HERC1: variants seen among roughly 807,000 people sequenced by gnomAD.
HERC1 encodes the protein probable E3 ubiquitin-protein ligase HERC1.
Under a neutral mutation model 554.3 loss-of-function variants are expected in HERC1, and 160 were observed. That is an observed-to-expected ratio of 0.29 (90% CI 0.25 to 0.33). HERC1 has a LOEUF of 0.33. Among genes scored for constraint, HERC1 ranks in the 10% least tolerant of loss-of-function variants. The pLI, the probability that HERC1 is intolerant of heterozygous loss-of-function variation, is 1.00. For missense variants in HERC1, 4,919 were observed against 5,918.5 expected (o/e 0.83, Z 5.54); for synonymous variants, 2,175 against 2,131.7 (o/e 1.02, Z -0.56).
chr15:63,790,473 G>C (rs1015961764), intron 1 of HERC1, among the ~76,000 whole-genome samples: 2 of 152,044 alleles, frequency 1.3e-5, no homozygotes, highest in African/African-American at 2.4e-5. Context: ...AGCTACTTGG[G>C]AAGCTGAGGC....
intron 43 of HERC1, among the ~76,000 whole-genome samples, chr15:63,664,106 T>C (rs541303587): frequency 1.1e-4 from 16 of 152,206 alleles, no homozygotes; most frequent in South Asian, 2.1e-4. Context: ...GCCTACTTTT[T>C]TGGCACAGTG....
chr15:63,823,821 G>A (rs538533699), intron 1 of HERC1, among the ~76,000 whole-genome samples: 69 of 152,246 alleles, frequency 4.5e-4, no homozygotes, highest in African/African-American at 1.6e-3. Flanking sequence ...AATTTAAAAT[G>A]AGAGACATTT....
chr15:63,698,800 C>T lies in HERC1; in HGVS notation c.4833G>A (p.Glu1611=). 6.2e-7 allele frequency: 1 copy of T among 1,613,924 alleles called. No homozygotes were observed. The highest frequency in any genetic ancestry group is 8.5e-7 in the Non-Finnish European group (1 of 1,179,848). The change falls in exon 26 of 78, where the codon GAG becomes GAA. Residue 1611 remains glutamate, a synonymous_variant. Coordinates refer to ENST00000443617, the MANE Select transcript of HERC1 (RefSeq NM_003922.4). The part of the protein sequence containing the change: ...GDVGNAPGFK[E]PEESMSTSPQ... ...GACTTGTAGACATACTTTCCTCTGGCTCTTTAAAACCTGGGGCATTCCCCA... is the reference window on the plus strand; with the variant it reads ...GACTTGTAGACATACTTTCCTCTGGTTCTTTAAAACCTGGGGCATTCCCCA...
At chr15:63,767,282 C>T (rs1268392490) in intron 2 of HERC1, among the ~76,000 whole-genome samples, 2 of 152,118 alleles carry the variant, frequency 1.3e-5, no homozygotes, top group East Asian at 1.9e-4. Context: ...GGATTACAGG[C>T]GTGAGCCACC....
intron 2 of HERC1, among the ~76,000 whole-genome samples, chr15:63,770,734 T>C (rs903140875): frequency 6.6e-6 from 1 of 152,252 alleles, no homozygotes; most frequent in African/African-American, 2.4e-5. Flanking sequence ...TAGATGGTTA[T>C]GTGTCTCTCC....
chr15:63,651,565 A>T (rs889888413), intron 52 of HERC1, among the ~76,000 whole-genome samples, 185 bp from the exon 53 acceptor site: 5 of 152,228 alleles, frequency 3.3e-5, no homozygotes, highest in African/African-American at 7.2e-5. Flanking sequence ...GTGAAAAATG[A>T]ATTATAAAAG....
chr15:63,698,871 C>T lies in HERC1; in HGVS notation c.4762G>A (p.Val1588Ile). 3 of 1,613,968 alleles carry T rather than the reference C, an allele frequency of 1.9e-6. No individual in the cohort carries two copies. The highest frequency in any genetic ancestry group is 1.1e-5 in the South Asian group (1 of 91,080). Reference protein sequence around the residue: ...SDFDLTKSLGVHTLIENVVSF... With the variant: ...SDFDLTKSLGIHTLIENVVSF... ...ACAACATTTTCAATCAAAGTGTGAACTCCCAAAGACTTGGTAAGATCAAAA... is the reference window on the plus strand; with the variant it reads ...ACAACATTTTCAATCAAAGTGTGAATTCCCAAAGACTTGGTAAGATCAAAA... The change falls in exon 26 of 78, where the codon GTT (valine) becomes ATT (isoleucine). Residue 1588 changes from valine to isoleucine, a missense_variant. By Grantham distance (29) the Val-to-Ile change is conservative. Coordinates refer to ENST00000443617, the MANE Select transcript of HERC1 (RefSeq NM_003922.4).
intron 3 of HERC1, among the ~76,000 whole-genome samples, chr15:63,760,435 CAAAAAAAAA>C (rs34164820): frequency 5.5e-5 from 5 of 91,424 alleles, no homozygotes; most frequent in Middle Eastern, 6.8e-3. Context: ...AGACACCATC[CAAAAAAAAA>C]AAAAAAAAAA....
At chr15:63,690,332 T>C (rs1397127376) in intron 32 of HERC1, among the ~76,000 whole-genome samples, 1 of 152,066 alleles carries the variant, frequency 6.6e-6, no homozygotes, top group African/African-American at 2.4e-5. Context: ...TGCAGAGTAT[T>C]CTCTATCCCT....
intron 2 of HERC1, among the ~76,000 whole-genome samples, chr15:63,771,977 C>G (rs560833811): frequency 3.3e-5 from 5 of 152,120 alleles, no homozygotes; most frequent in Admixed American, 1.3e-4. Flanking sequence ...ACAAAATTAG[C>G]TGGGCATGGT....
At chr15:63,643,225 T>C (rs1167344191) in intron 58 of HERC1, among the ~76,000 whole-genome samples, 167 bp from the exon 59 acceptor site, 1 of 152,222 alleles carries the variant, frequency 6.6e-6, no homozygotes, top group African/African-American at 2.4e-5. Context: ...ACACAGCTGA[T>C]TTTAAAAACA....
At chr15:63,691,612 A>C (rs116391963) in intron 31 of HERC1, among the ~76,000 whole-genome samples, 1,846 of 152,314 alleles carry the variant, frequency 0.012, 37 homozygotes, top group African/African-American at 0.043. Context: ...TATCCTCTTG[A>C]AACTTAATAT....
At chr15:63,725,873 A>G (rs940382217) in intron 17 of HERC1, among the ~76,000 whole-genome samples, 1 of 152,202 alleles carries the variant, frequency 6.6e-6, no homozygotes, top group Non-Finnish European at 1.5e-5. Context: ...ATCAACACAC[A>G]AATTTATCCA....
In HERC1 at chr15:63,677,232, G is replaced by A. The variant is rs1233687314; in HGVS notation, c.7070+613C>T. Among the ~76,000 whole-genome samples the A allele has an allele frequency of 6.6e-6, 1 of 152,176 alleles. No individual in the cohort carries two copies. Among genetic ancestry groups the A allele is most frequent in the Non-Finnish European group, 1.5e-5 (1 of 68,026 alleles). On this transcript the variant is annotated intron_variant, in intron 37 of 77. Coordinates refer to ENST00000443617, the MANE Select transcript of HERC1 (RefSeq NM_003922.4). The surrounding 1 kb of genome is among the most constrained non-coding windows in gnomAD (Gnocchi z 4.4). ...AACCTGCATTTCCTTGTAAACATAT[G>A]AAATTTGTAATTTGCACAAATCCTC...
intron 36 of HERC1, among the ~76,000 whole-genome samples, chr15:63,678,719 G>A (rs548991309): frequency 3.3e-5 from 5 of 152,296 alleles, no homozygotes; most frequent in Middle Eastern, 3.4e-3. Context: ...CAAGGCTCCA[G>A]AATGATGAGT....
chr15:63,644,338 ATT>A (rs1435121385), intron 57 of HERC1, among the ~76,000 whole-genome samples: 2 of 152,214 alleles, frequency 1.3e-5, no homozygotes, highest in African/African-American at 2.4e-5. Flanking sequence ...GTTTTAAACA[ATT>A]TTAAGTTAGG....
chr15:63,707,049 A>T (rs2073043006), intron 24 of HERC1, among the ~76,000 whole-genome samples: 1 of 152,064 alleles, frequency 6.6e-6, no homozygotes, highest in Non-Finnish European at 1.5e-5. Context: ...TAACTAAAAA[A>T]CTCACATTAA....
intron 58 of HERC1, 147 bp downstream of exon 58, chr15:63,643,257 G>A (rs1013207741): frequency 9.7e-5 from 84 of 868,052 alleles, no homozygotes; most frequent in Admixed American, 4.3e-4. Flanking sequence ...TAAGAAAAAT[G>A]TAAGGGCAGA....
rs1436146276 is a variant in HERC1 at position 63,649,712 on chromosome 15, T to G, written c.10747+13A>C. On this transcript the variant is annotated intron_variant, in intron 54 of 77. Coordinates refer to ENST00000443617, the MANE Select transcript of HERC1 (RefSeq NM_003922.4). The stretch of plus-strand genomic sequence containing the variant: ...GGAGACTCCGTCAGCTAGACGTAAG[T>G]GCAGTCATTTACCATCCTTTCGATA... 1 of 1,608,548 alleles carries G rather than the reference T, an allele frequency of 6.2e-7. No homozygotes were observed. The highest frequency in any genetic ancestry group is 8.5e-7 in the Non-Finnish European group (1 of 1,175,974).
Sources: allele counts gnomAD v4.1 joint callset (sites outside exome capture counted in the v4.1 genomes callset), GRCh38; gene constraint gnomAD v4.1.1; non-coding constraint Gnocchi (gnomAD v3.1); transcripts MANE v1.5; gene names NCBI Gene and HGNC (gene_info 2026-07-23, HGNC 2026-07-21).